The following GUCY2C variants were observed in gnomAD, a reference collection of about 807,000 sequenced individuals.
GUCY2C encodes the protein guanylate cyclase 2C, also known as guanylyl cyclase C.
GUCY2C carries 118 observed loss-of-function variants against 131.1 expected under a neutral mutation model. The observed-to-expected ratio is 0.90, with a 90% CI of 0.78 to 1.05. The LOEUF (loss-of-function observed/expected upper bound fraction) is 1.05, where lower values mean the gene tolerates loss of function less well. Among genes scored for constraint, GUCY2C ranks in the 50% least tolerant of loss-of-function variants. The pLI is 0.00. For missense variants in GUCY2C, 1,161 were observed against 1,304.4 expected, an observed-to-expected ratio of 0.89 and a Z score of 1.69; for synonymous variants, 452 against 457.8, an observed-to-expected ratio of 0.99 and a Z score of 0.16.
chr12:14,655,880 T>C (rs574894121), intron 12 of GUCY2C, among the ~76,000 whole-genome samples: 1 of 152,314 alleles, frequency 6.6e-6, no homozygotes, highest in East Asian at 1.9e-4. Context: ...CAGTAAGTGT[T>C]AGCTATTATT....
intron 20 of GUCY2C, among the ~76,000 whole-genome samples, chr12:14,627,443 A>G (rs1947045086): frequency 6.6e-6 from 1 of 152,166 alleles, no homozygotes; most frequent in African/African-American, 2.4e-5. Flanking sequence ...TGGATGTGGG[A>G]GCAGGTGTAA....
At chr12:14,631,748 T>G (rs1421463084) in intron 19 of GUCY2C, among the ~76,000 whole-genome samples, 6 of 149,134 alleles carry the variant, frequency 4.0e-5, no homozygotes, top group Non-Finnish European at 5.9e-5. Context: ...ATATACCCAG[T>G]AATGGGATGG....
chr12:14,683,264 C>A lies in GUCY2C; in HGVS notation c.396-7G>T. 1 of 1,598,318 alleles carries A rather than the reference C, an allele frequency of 6.3e-7. No homozygotes were observed. The highest frequency in any genetic ancestry group is 1.1e-5 in the South Asian group (1 of 90,594). On this transcript the variant is annotated splice_polypyrimidine_tract_variant and splice_region_variant and intron_variant, in intron 3 of 26. Transcript: ENST00000261170. Reference sequence around the variant, plus strand: ...GCTCAATTCTGTGTCAAGGCTATGTCAAGAGGTTGAGGAAAAAAGCCATTA... The same window carrying A: ...GCTCAATTCTGTGTCAAGGCTATGTAAAGAGGTTGAGGAAAAAAGCCATTA...
At chr12:14,628,569 A>C (rs4764105) in intron 20 of GUCY2C, 77 bp downstream of exon 20, 2 of 808,066 alleles carry the variant, frequency 2.5e-6, no homozygotes, top group South Asian at 1.4e-5. Flanking sequence ...TTCTCATTCT[A>C]AGGTGCCACT....
intron 23 of GUCY2C, among the ~76,000 whole-genome samples, chr12:14,620,104 A>G (rs1182413367): frequency 6.6e-6 from 1 of 152,060 alleles, no homozygotes; most frequent in Admixed American, 6.6e-5. Flanking sequence ...AACACCTGTA[A>G]CTCATCTCAA....
intron 10 of GUCY2C, among the ~76,000 whole-genome samples, chr12:14,669,169 TAGAATA>T (rs1300345658): frequency 1.3e-5 from 2 of 152,108 alleles, no homozygotes; most frequent in African/African-American, 2.4e-5. Flanking sequence ...ATAGCTAAAT[TAGAATA>T]AGAATGTTTT....
In GUCY2C at chr12:14,619,321, G is replaced by A; in HGVS notation, c.2777-12C>T. Reference sequence around the variant, plus strand: ...AGCAGCACAGGGACCTGAAATGAAGGACAGAAAGCAGGAAGTGGAGGCAAT... The same window carrying A: ...AGCAGCACAGGGACCTGAAATGAAGAACAGAAAGCAGGAAGTGGAGGCAAT... On this transcript the variant is annotated splice_polypyrimidine_tract_variant and intron_variant, in intron 23 of 26. Coordinates refer to ENST00000261170, the MANE Select transcript of GUCY2C (RefSeq NM_004963.4). 3 of 1,562,104 alleles carry A rather than the reference G, an allele frequency of 1.9e-6. No homozygotes were observed. Among genetic ancestry groups the A allele is most frequent in the African/African-American group, 1.4e-5 (1 of 74,068 alleles).
At chr12:14,644,361 G>A (rs1225351599) in intron 16 of GUCY2C, among the ~76,000 whole-genome samples, 4 of 152,064 alleles carry the variant, frequency 2.6e-5, no homozygotes, top group East Asian at 1.9e-4. Flanking sequence ...GTGAGACTCC[G>A]TCTCAAAAAA....
At chr12:14,680,352 A>C (rs1046671558) in intron 5 of GUCY2C, among the ~76,000 whole-genome samples, 4 of 152,050 alleles carry the variant, frequency 2.6e-5, no homozygotes, top group Non-Finnish European at 5.9e-5. Context: ...GAGTTGGGGG[A>C]GACTTCATTA....
chr12:14,644,296 G>T (rs1267242863), intron 16 of GUCY2C, among the ~76,000 whole-genome samples: 3 of 152,180 alleles, frequency 2.0e-5, no homozygotes, highest in Admixed American at 6.5e-5. Flanking sequence ...AATTTGGAAG[G>T]CCGAGGTTGC....
chr12:14,616,735 T>C lies in GUCY2C; in HGVS notation c.2876-8A>G, dbSNP rs761682154. 2.6e-6 allele frequency: 4 copies of C among 1,558,850 alleles called. No homozygotes were observed. Among genetic ancestry groups the C allele is most frequent in the East Asian group, 4.5e-5 (2 of 44,614 alleles). ...TCACGTGAATTCTCAAAGCTGGAAA[T>C]GCAAATTGACAAATAAAAATCCCAG... On this transcript the variant is annotated splice_region_variant and splice_polypyrimidine_tract_variant and intron_variant, in intron 24 of 26. Transcript: ENST00000261170.
chr12:14,637,987 T>G (rs1199222825), intron 19 of GUCY2C, among the ~76,000 whole-genome samples: 6 of 152,148 alleles, frequency 3.9e-5, no homozygotes, highest in South Asian at 4.1e-4. Flanking sequence ...ACAAGGATGA[T>G]ATTCCAGAAT....
Position 14,622,210 on chromosome 12 carries a change from A to AG in GUCY2C, c.2409-14dup. On this transcript the variant is annotated splice_polypyrimidine_tract_variant and intron_variant, in intron 21 of 26. Transcript: ENST00000261170. ...CTTTACCACTAGCCTAGATGAACGA[A>AG]GGGAAAAAAAATGCCTTCAACTTCA... is the stretch of plus-strand genomic sequence containing the variant. 1 of 1,473,376 alleles carries AG rather than the reference A, an allele frequency of 6.8e-7. No individual in the cohort carries two copies. The highest frequency in any genetic ancestry group is 9.0e-7 in the Non-Finnish European group (1 of 1,113,186). 91.3% of individuals were successfully genotyped at this position (1,473,376 alleles called of 1,614,324 possible).
chr12:14,685,811 T>C (rs1565636125), intron 3 of GUCY2C, among the ~76,000 whole-genome samples: 1 of 152,196 alleles, frequency 6.6e-6, no homozygotes. Context: ...GCACTTTCTT[T>C]TGTGTTTCCC....
Position 14,613,166 on chromosome 12 carries a change from A to G in GUCY2C, c.3173T>C (p.Leu1058Pro). The change falls in exon 27 of 27, where the codon CTG (leucine) becomes CCG (proline). Residue 1058 changes from leucine (L) to proline (P), a missense_variant. By Grantham distance (98) the Leu-to-Pro change is moderately conservative. Coordinates refer to ENST00000261170, the MANE Select transcript of GUCY2C (RefSeq NM_004963.4). The surrounding 1 kb of genome is among the most constrained non-coding windows in gnomAD (Gnocchi z 4.9). Reference sequence around the variant, plus strand: ...TGTGGTATTCAGCTGCAAGTATTCCAGAGTGCCTTTTTTATAGCTGGCTAC... The same window carrying G: ...TGTGGTATTCAGCTGCAAGTATTCCGGAGTGCCTTTTTTATAGCTGGCTAC... ...RRVASYKKGT[L>P]EYLQLNTTDK... 6.2e-7 allele frequency: 1 copy of G among 1,613,606 alleles called. No individual in the cohort carries two copies. The highest frequency in any genetic ancestry group is 8.5e-7 in the Non-Finnish European group (1 of 1,179,626).
rs754883097 is a variant in GUCY2C at position 14,641,078 on chromosome 12, G to A, written c.2068+4C>T. The A allele has an allele frequency of 6.2e-7, 1 of 1,613,074 alleles. No individual in the cohort carries two copies. The highest frequency in any genetic ancestry group is 1.1e-5 in the South Asian group (1 of 91,024). On this transcript the variant is annotated splice_donor_region_variant and intron_variant, in intron 18 of 26. Transcript: ENST00000261170. ...AGGGGACACATGAATGGGTTTAGAT[G>A]TACCATTCCGGTCCCGACAGCTCAA...
Position 14,692,199 on chromosome 12 carries a change from C to G in GUCY2C, c.217+4033G>C, listed in dbSNP as rs1350338937. On this transcript the variant is annotated intron_variant, in intron 1 of 26. Transcript: ENST00000261170. ...CCTTATTTTTTTCTACTCTCCTTCTCTCATGAGCATATGATAAGTTCTCCA... is the reference window on the plus strand; with the variant it reads ...CCTTATTTTTTTCTACTCTCCTTCTGTCATGAGCATATGATAAGTTCTCCA... 3.3e-5 allele frequency among the ~76,000 whole-genome samples: 5 copies of G among 152,228 alleles called. No homozygotes were observed. In the East Asian group the frequency reaches 5.8e-4, roughly 18 times the overall value.
At chr12:14,662,557 T>C (rs1223350777) in intron 10 of GUCY2C, among the ~76,000 whole-genome samples, 3 of 151,300 alleles carry the variant, frequency 2.0e-5, no homozygotes, top group Non-Finnish European at 4.4e-5. Flanking sequence ...GTGCCTGTAA[T>C]CCCAGCTATT....
At chr12:14,670,054 A>G (rs1443023605) in intron 9 of GUCY2C, among the ~76,000 whole-genome samples, 1 of 152,204 alleles carries the variant, frequency 6.6e-6, no homozygotes, top group African/African-American at 2.4e-5. Flanking sequence ...CTTTATGCTC[A>G]TACACTACAC....
Sources: gnomAD v4.1 joint callset for allele counts (sites outside exome capture counted in the v4.1 genomes callset) on GRCh38, gnomAD v4.1.1 for gene constraint, Gnocchi (gnomAD v3.1) non-coding constraint, MANE v1.5 for transcripts, NCBI Gene and HGNC (gene_info 2026-07-23, HGNC 2026-07-21) for gene names.